Variants in CDKN2A observed in about 807,000 individuals in gnomAD.
The protein encoded by CDKN2A is cyclin dependent kinase inhibitor 2A, also known as cyclin-dependent kinase inhibitor 2A.
In CDKN2A, 3 loss-of-function variants were observed where a neutral mutation model predicts 11.1. The observed-to-expected ratio is 0.27, with a 90% CI of 0.12 to 0.70. The LOEUF is 0.70. CDKN2A is among the 30% of genes least tolerant of loss of function. The pLI is 0.77. For synonymous variants in CDKN2A, 122 were observed against 108.1 expected, an observed-to-expected ratio of 1.13 and a Z score of -0.80; for missense variants, 265 against 233.6, an observed-to-expected ratio of 1.13 and a Z score of -0.88.
At chr9:21,975,024 C>T (rs1819980717), upstream of CDKN2A, 2 of 1,379,386 alleles carry the variant, frequency 1.4e-6, no homozygotes, top group South Asian at 1.7e-5. Context: ...ACGCCGTGAG[C>T]GAGTGCTCGG....
intron 2 of CDKN2A, chr9:21,989,584 G>C (rs1196870810): frequency 6.6e-6 from 1 of 152,214 alleles, no homozygotes; most frequent in Non-Finnish European, 1.5e-5. Flanking sequence ...GCTGTCAAGA[G>C]TCTCAGAAGC....
chr9:21,981,092 G>A (rs62556543), intron 2 of CDKN2A, among the ~76,000 whole-genome samples: 3 of 14,778 alleles, frequency 2.0e-4, no homozygotes, highest in African/African-American at 5.0e-4. Flanking sequence ...ATATATACGT[G>A]TATATATATA....
chr9:21,973,078 G>A (rs1332813394), intron 1 of CDKN2A, among the ~76,000 whole-genome samples: 2 of 152,132 alleles, frequency 1.3e-5, no homozygotes, highest in African/African-American at 2.4e-5. Context: ...AAGACAAAAT[G>A]TTGCAGTATA....
upstream of CDKN2A, among the ~76,000 whole-genome samples, chr9:21,978,275 A>G (rs1251306776): frequency 6.6e-6 from 1 of 151,996 alleles, no homozygotes; most frequent in Non-Finnish European, 1.5e-5. Flanking sequence ...AAATAATAAT[A>G]AAATTAAAAA....
In CDKN2A at chr9:21,968,266, G is replaced by C; in HGVS notation, c.458-24C>G. 6.2e-7 allele frequency: 1 copy of C among 1,613,792 alleles called. No homozygotes were observed. ...GTCTGCAGAGGGCAGAAAGAAAACA[G>C]GCGTTAGAAACCTGAGGTCAAAGAT... On this transcript the variant is annotated intron_variant, in intron 2 of 2. Coordinates refer to ENST00000304494, the MANE Select transcript of CDKN2A (RefSeq NM_000077.5). This position sits in a 1 kb window ranked among gnomAD's most constrained non-coding sequence, Gnocchi z 4.7.
intron 2 of CDKN2A, among the ~76,000 whole-genome samples, chr9:21,987,108 G>A (rs1307980031): frequency 5.3e-5 from 8 of 151,976 alleles, no homozygotes; most frequent in Admixed American, 5.2e-4. Flanking sequence ...TGAAAGGCAT[G>A]ATATTTTAGT....
At chr9:21,987,396 A>AAC (rs375380204) in intron 2 of CDKN2A, among the ~76,000 whole-genome samples, 17,854 of 89,072 alleles carry the variant, frequency 0.2, 1,881 homozygotes, top group Admixed American at 0.29. Flanking sequence ...CCCTTATTAC[A>AAC]ACACACACAC....
upstream of CDKN2A, among the ~76,000 whole-genome samples, chr9:21,977,656 G>A: frequency 6.6e-6 from 1 of 152,186 alleles, no homozygotes; most frequent in African/African-American, 2.4e-5. Flanking sequence ...ATGAGCCATC[G>A]TGCCCGGCCT....
intron 2 of CDKN2A, among the ~76,000 whole-genome samples, chr9:21,986,426 G>C (rs562337450): frequency 6.6e-6 from 1 of 152,014 alleles, no homozygotes; most frequent in East Asian, 1.9e-4. Context: ...GAGTATAGTA[G>C]AGGCCCAAAG....
intron 2 of CDKN2A, among the ~76,000 whole-genome samples, chr9:21,986,230 G>C (rs574116509): frequency 9.2e-5 from 14 of 152,184 alleles, no homozygotes; most frequent in Admixed American, 3.3e-4. Flanking sequence ...GCTTCAAGTG[G>C]TTCCTGTGCT....
chr9:21,992,025 A>G (rs1401777239), intron 2 of CDKN2A: 17 of 984,092 alleles, frequency 1.7e-5, no homozygotes, highest in Non-Finnish European at 2.1e-5. Flanking sequence ...CAAATCAACT[A>G]TGGCAATTTT....
chr9:21,970,197 C>A, intron 2 of CDKN2A: 1 of 241,504 alleles, frequency 4.1e-6, no homozygotes, highest in Non-Finnish European at 8.1e-6. Context: ...TTTGAGATCA[C>A]AAAAAGGAAA....
chr9:21,972,667 C>G (rs2131102921), intron 1 of CDKN2A, among the ~76,000 whole-genome samples: 1 of 152,348 alleles, frequency 6.6e-6, no homozygotes, highest in Middle Eastern at 3.4e-3. Flanking sequence ...AACTAAAACA[C>G]TTCCCAGGTT....
Position 21,995,143 on chromosome 9 carries a change from C to A in CDKN2A, c.-498G>T, listed in dbSNP as rs1281070791. ...GCTGGCGCTGCCGGAGCTGTCGACC[C>A]GGCCTGGCGCCGGACTAGGTAGGTG... On this transcript the variant is annotated 5_prime_UTR_variant, in exon 1 of 4. Coordinates refer to the CDKN2A transcript ENST00000494262. This position sits in a 1 kb window ranked among gnomAD's most constrained non-coding sequence, Gnocchi z 5.7. 1 of 152,216 alleles carries A rather than the reference C, an allele frequency of 6.6e-6. No homozygotes were observed. Among genetic ancestry groups the A allele is most frequent in the Non-Finnish European group, 1.5e-5 (1 of 68,046 alleles). 9.4% of individuals were successfully genotyped at this position (152,216 alleles called of 1,614,324 possible).
intron 1 of CDKN2A, chr9:21,971,475 G>A: frequency 1.1e-6 from 1 of 876,256 alleles, no homozygotes; most frequent in Non-Finnish European, 1.7e-6. Context: ...AAATAGCAAA[G>A]GGGCAGGGAC....
chr9:21,978,287 ATAT>A (rs1820089910), upstream of CDKN2A, among the ~76,000 whole-genome samples: 2 of 152,150 alleles, frequency 1.3e-5, no homozygotes, highest in South Asian at 2.1e-4. Context: ...AATTAAAAAA[ATAT>A]TATGTAAATA....
At position 21,974,821 on chromosome 9, in the gene CDKN2A, G is replaced by C. The variant is rs947790209; in HGVS notation, c.7C>G (p.Pro3Ala). 2 of 1,591,704 alleles carry C rather than the reference G, an allele frequency of 1.3e-6. No individual in the cohort carries two copies. The highest frequency in any genetic ancestry group is 1.7e-6 in the Non-Finnish European group (2 of 1,173,500). Residue 3 changes from proline (P) to alanine (A), a missense_variant, in exon 1 of 3, where the codon CCG becomes GCG. By Grantham distance (27) the Pro-to-Ala change is conservative. Coordinates refer to ENST00000304494, the MANE Select transcript of CDKN2A (RefSeq NM_000077.5). This position sits in a 1 kb window ranked among gnomAD's most constrained non-coding sequence, Gnocchi z 5.2. ME[P>A]AAGSSMEPSA... ...GGCTCCATGCTGCTCCCCGCCGCCG[G>C]CTCCATGCTGCTCCCCGCCGCCCGC...
At position 21,968,466 on chromosome 9, in the gene CDKN2A, C is replaced by G. The variant is rs1819518526; in HGVS notation, c.458-224G>C. 6.7e-7 allele frequency: 1 copy of G among 1,481,556 alleles called. No homozygotes were observed. 91.8% of individuals were successfully genotyped at this position (1,481,556 alleles called of 1,614,324 possible). A position where few individuals can be genotyped will look rare whatever the true frequency, so the allele number is the denominator to read the frequency against. On this transcript the variant is annotated intron_variant, in intron 2 of 2. Transcript: ENST00000304494. The surrounding 1 kb of genome is among the most constrained non-coding windows in gnomAD (Gnocchi z 4.7). ...GGCTGCTCCAGGCGCGCCGACCGCT[C>G]AAGCGCTCCAGGTCCACCCGGCGGA... is the stretch of plus-strand genomic sequence containing the variant.
At chr9:21,977,148 T>C (rs907084782), upstream of CDKN2A, among the ~76,000 whole-genome samples, 5 of 152,218 alleles carry the variant, frequency 3.3e-5, no homozygotes, top group African/African-American at 1.2e-4. Context: ...AAATCTACAA[T>C]GCATTACTGT....
Sources: allele counts gnomAD v4.1 joint callset (sites outside exome capture counted in the v4.1 genomes callset), GRCh38; gene constraint gnomAD v4.1.1; non-coding constraint Gnocchi (gnomAD v3.1); transcripts MANE v1.5; gene names NCBI Gene and HGNC (gene_info 2026-07-23, HGNC 2026-07-21).